Variants in ANKRD50 observed in about 807,000 individuals in gnomAD.
ANKRD50 encodes ankyrin repeat domain-containing protein 50.
In ANKRD50, 40 loss-of-function variants were observed where a neutral mutation model predicts 112.0. That is an observed-to-expected ratio of 0.36 (90% confidence interval 0.28 to 0.46). The LOEUF (loss-of-function observed/expected upper bound fraction) is 0.46. Ranked by LOEUF, ANKRD50 falls within the 20% of genes least tolerant of loss-of-function variation. The probability of loss-of-function intolerance (pLI) is 1.00; values close to 1 mark genes in which losing one functional copy is unlikely to be tolerated. For synonymous variants in ANKRD50, 613 were observed against 619.1 expected, an observed-to-expected ratio of 0.99 and a Z score of 0.15; for missense variants, 1,487 against 1,701.7, an observed-to-expected ratio of 0.87 and a Z score of 2.22.
At chr4:124,675,155 TCTTTTCTATTCTTACTTGAA>T (rs750953407) in intron 3 of ANKRD50, among the ~76,000 whole-genome samples, 37 of 151,940 alleles carry the variant, frequency 2.4e-4, no homozygotes, top group South Asian at 1.9e-3. Context: ...ATTTTTCTAT[TCTTTTCTATTCTTACTTGAA>T]CTTTTCTATT....
At chr4:124,687,504 A>ATC (rs1321647530) in intron 2 of ANKRD50, among the ~76,000 whole-genome samples, 1 of 152,124 alleles carries the variant, frequency 6.6e-6, no homozygotes, top group Non-Finnish European at 1.5e-5. Context: ...AGCGGGATCC[A>ATC]TAGAAGGAAA....
intron 3 of ANKRD50, among the ~76,000 whole-genome samples, chr4:124,677,212 C>CA (rs774383051): frequency 1.3e-5 from 2 of 151,448 alleles, no homozygotes; most frequent in East Asian, 1.9e-4. Flanking sequence ...ATTAATATCC[C>CA]AAAAAAAGAA....
At chr4:124,681,683 C>T (rs1434735368) in intron 2 of ANKRD50, among the ~76,000 whole-genome samples, 1 of 152,146 alleles carries the variant, frequency 6.6e-6, no homozygotes, top group East Asian at 1.9e-4. Context: ...GTGATTATCT[C>T]CTTTCTTTTG....
intron 2 of ANKRD50, among the ~76,000 whole-genome samples, chr4:124,694,919 C>T (rs1578588260): frequency 6.6e-6 from 1 of 151,836 alleles, no homozygotes; most frequent in Admixed American, 6.6e-5. Flanking sequence ...ACTTACAATG[C>T]CGAGAAAGAG....
chr4:124,689,354 C>G (rs1341202419), intron 2 of ANKRD50, among the ~76,000 whole-genome samples: 1 of 152,108 alleles, frequency 6.6e-6, no homozygotes, highest in Admixed American at 6.5e-5. Context: ...CACTCAGCTC[C>G]TAGGTGCTTG....
intron 2 of ANKRD50, among the ~76,000 whole-genome samples, chr4:124,702,820 C>T (rs1217130598): frequency 6.6e-6 from 1 of 151,874 alleles, no homozygotes; most frequent in African/African-American, 2.4e-5. Context: ...ATACTTTAGC[C>T]CTAATACTTA....
At chr4:124,693,323 T>A (rs1344795250) in intron 2 of ANKRD50, among the ~76,000 whole-genome samples, 1 of 152,194 alleles carries the variant, frequency 6.6e-6, no homozygotes, top group Non-Finnish European at 1.5e-5. Flanking sequence ...ACAGTCCTGT[T>A]TGTTTGCTAC....
rs1485184386 is a variant in ANKRD50 at position 124,672,146 on chromosome 4, G to A, written c.1131C>T (p.Asn377=). 1 of 1,613,908 alleles carries A rather than the reference G, an allele frequency of 6.2e-7. No homozygotes were observed. Among genetic ancestry groups the A allele is most frequent in the Admixed American group, 1.7e-5 (1 of 59,990 alleles). The change falls in exon 4 of 5, where the codon AAC becomes AAT. Residue 377 remains asparagine, a synonymous_variant. Coordinates refer to ENST00000504087, the MANE Select transcript of ANKRD50 (RefSeq NM_020337.3). The part of the protein sequence containing the change: ...TELYHAVWTK[N]MSLTLEDFQR... ...GAAAATCTTCCAAAGTTAACGACAT[G>A]TTTTTGGTCCATACTGCGTGATATA...
rs138487103 is a variant in ANKRD50, at chr4:124,669,080, G to A, written c.4197C>T (p.Ser1399=). The change falls in exon 4 of 5, where the codon TCC becomes TCT. Residue 1399 remains serine, a synonymous_variant. Coordinates refer to ENST00000504087, the MANE Select transcript of ANKRD50 (RefSeq NM_020337.3). Reference sequence around the variant, plus strand: ...GTTTAAGGCTTAATTCTGTCTCTGAGGAAGGGTATCCCTCCAACACTTCCT... The same window carrying A: ...GTTTAAGGCTTAATTCTGTCTCTGAAGAAGGGTATCCCTCCAACACTTCCT... ...GHQEVLEGYP[S]SETELSLKQA... 3 of 1,613,384 alleles carry A rather than the reference G, an allele frequency of 1.9e-6. No individual in the cohort carries two copies. Among genetic ancestry groups the A allele is most frequent in the Non-Finnish European group, 2.5e-6 (3 of 1,179,688 alleles).
At chr4:124,673,027 T>C (rs1730697242) in intron 3 of ANKRD50, among the ~76,000 whole-genome samples, 1 of 152,106 alleles carries the variant, frequency 6.6e-6, no homozygotes, top group South Asian at 2.1e-4. Context: ...AATTAGAATA[T>C]CCAGTCATTG....
intron 2 of ANKRD50, among the ~76,000 whole-genome samples, chr4:124,705,097 A>AAAC (rs1725474955): frequency 6.9e-6 from 1 of 145,208 alleles, no homozygotes; most frequent in Admixed American, 6.8e-5. Flanking sequence ...CCATCTCAAA[A>AAAC]AAACAAACAA....
intron 2 of ANKRD50, among the ~76,000 whole-genome samples, chr4:124,694,576 C>A (rs1056091029): frequency 2.6e-5 from 4 of 152,070 alleles, no homozygotes; most frequent in Non-Finnish European, 5.9e-5. Context: ...TAGGGCATGT[C>A]TTATTAATAA....
In ANKRD50 at chr4:124,710,024, C is replaced by G; in HGVS notation, c.488G>C (p.Arg163Thr). The G allele has an allele frequency of 6.2e-7, 1 of 1,612,820 alleles. No homozygotes were observed. Among genetic ancestry groups the G allele is most frequent in the East Asian group, 2.2e-5 (1 of 44,842 alleles). ...CCTTTTAAATGCTTCGGCTGGGTTT[C>G]TCTCGCACTCCCCAGGCTGTAAGAG... ...QSLLQPGECERNPAEAFKRCV... is the reference protein window; with the variant it reads ...QSLLQPGECETNPAEAFKRCV... Residue 163 changes from arginine (R) to threonine (T), a missense_variant, in exon 2 of 5, where the codon AGA (arginine) becomes ACA (threonine). This residue lies in a region of ANKRD50 where 1,046 missense variants were observed against 1,269.5 expected (regional missense o/e 0.82). Transcript: ENST00000504087.
At chr4:124,686,045 C>G (rs1387077792) in intron 2 of ANKRD50, among the ~76,000 whole-genome samples, 1 of 152,138 alleles carries the variant, frequency 6.6e-6, no homozygotes, top group Non-Finnish European at 1.5e-5. Context: ...AGAAAGGCAG[C>G]TGAAACTGAA....
At chr4:124,687,141 G>A (rs1484860012) in intron 2 of ANKRD50, among the ~76,000 whole-genome samples, 1 of 152,174 alleles carries the variant, frequency 6.6e-6, no homozygotes, top group Non-Finnish European at 1.5e-5. Context: ...AAGACAGTAT[G>A]CTATGTATTT....
At chr4:124,689,169 C>T (rs1229470242) in intron 2 of ANKRD50, among the ~76,000 whole-genome samples, 1 of 152,162 alleles carries the variant, frequency 6.6e-6, no homozygotes, top group East Asian at 1.9e-4. Context: ...ATATTATTCA[C>T]CACCGTATTT....
Position 124,672,336 on chromosome 4 carries a change from A to G in ANKRD50, c.941T>C (p.Val314Ala). The change falls in exon 4 of 5, where the codon GTA (valine) becomes GCA (alanine). Residue 314 changes from valine (V) to alanine (A), a missense_variant. This residue lies in a region of ANKRD50 where 1,046 missense variants were observed against 1,269.5 expected (regional missense o/e 0.82). Coordinates refer to ENST00000504087, the MANE Select transcript of ANKRD50 (RefSeq NM_020337.3). Reference sequence around the variant, plus strand: ...TTCTCTTAACATAATAAAATTTTCTACAACTCCATCTAAAACTCGTTCTAG... The same window carrying G: ...TTCTCTTAACATAATAAAATTTTCTGCAACTCCATCTAAAACTCGTTCTAG... ...LYLERVLDGV[V>A]ENFIMLREIR... 6.2e-7 allele frequency: 1 copy of G among 1,613,418 alleles called. No homozygotes were observed. Among genetic ancestry groups the G allele is most frequent in the Non-Finnish European group, 8.5e-7 (1 of 1,179,762 alleles).
chr4:124,686,512 T>C (rs1413164045), intron 2 of ANKRD50, among the ~76,000 whole-genome samples: 1 of 152,048 alleles, frequency 6.6e-6, no homozygotes, highest in East Asian at 1.9e-4. Context: ...ACTAGGCTCT[T>C]CTCCCATATG....
intron 3 of ANKRD50, among the ~76,000 whole-genome samples, chr4:124,675,436 T>C (rs1373611300): frequency 6.6e-6 from 1 of 151,756 alleles, no homozygotes; most frequent in Non-Finnish European, 1.5e-5. Context: ...CATATTAATA[T>C]ACAAATAAAA....
Sources: gnomAD v4.1 joint callset for allele counts (sites outside exome capture counted in the v4.1 genomes callset) on GRCh38, gnomAD v4.1.1 for gene constraint, gnomAD v4.1.1 regional missense constraint, MANE v1.5 for transcripts, NCBI Gene and HGNC (gene_info 2026-07-23, HGNC 2026-07-21) for gene names.